Variants in NLGN1 observed in about 807,000 individuals in gnomAD.
The protein encoded by NLGN1 is neuroligin-1.
Under a neutral mutation model 65.5 loss-of-function variants are expected in NLGN1, and 12 were observed. The observed-to-expected ratio is 0.18, with a 90% CI of 0.12 to 0.30. The LOEUF (loss-of-function observed/expected upper bound fraction) is 0.30. Among genes scored for constraint, NLGN1 ranks in the 10% least tolerant of loss-of-function variants. The pLI is 1.00. For synonymous variants in NLGN1, 350 were observed against 359.5 expected (o/e 0.97, Z 0.30); for missense variants, 750 against 1,007.1 (o/e 0.74, Z 3.46).
chr3:173,658,142 T>C (rs1760362725), intron 3 of NLGN1, among the ~76,000 whole-genome samples: 1 of 151,998 alleles, frequency 6.6e-6, no homozygotes, highest in South Asian at 2.1e-4. Flanking sequence ...GCTGTGGCTA[T>C]ACATATTTAT....
chr3:173,412,166 C>A (rs1461927035), intron 1 of NLGN1, among the ~76,000 whole-genome samples: 1 of 152,162 alleles, frequency 6.6e-6, no homozygotes, highest in African/African-American at 2.4e-5. Context: ...CTGCAGAATA[C>A]TATTAGCAAG....
chr3:173,472,515 C>A (rs1282494574), intron 2 of NLGN1, among the ~76,000 whole-genome samples: 2 of 151,684 alleles, frequency 1.3e-5, no homozygotes, highest in Admixed American at 1.3e-4. Flanking sequence ...AGAATAGTTT[C>A]ACTTATCAAA....
chr3:173,902,859 A>G (rs1737626089), intron 4 of NLGN1, among the ~76,000 whole-genome samples: 1 of 152,164 alleles, frequency 6.6e-6, no homozygotes, highest in African/African-American at 2.4e-5. Flanking sequence ...ACTGTGTGCC[A>G]GGCACTGTTT....
intron 4 of NLGN1, among the ~76,000 whole-genome samples, chr3:173,873,686 A>C (rs899906774): frequency 6.6e-6 from 1 of 152,190 alleles, no homozygotes; most frequent in East Asian, 1.9e-4. Flanking sequence ...TGGCCTGATC[A>C]TCTGTAAAAG....
At chr3:174,136,848 G>A (rs192549313) in intron 4 of NLGN1, among the ~76,000 whole-genome samples, 28 of 152,210 alleles carry the variant, frequency 1.8e-4, no homozygotes, top group Non-Finnish European at 1.8e-4. Context: ...GGGAAACACA[G>A]CCATAAATGT....
In NLGN1 at chr3:174,280,659, G is replaced by A; in HGVS notation, c.1828G>A (p.Val610Ile). ...TAAGGTGAACCTCTGGTTGGAGTTGGTACCTCATCTGCATAATCTCAATGA... is the reference window on the plus strand; with the variant it reads ...TAAGGTGAACCTCTGGTTGGAGTTGATACCTCATCTGCATAATCTCAATGA... The change falls in exon 7 of 7, where the codon GTA becomes ATA. Residue 610 changes from valine (V) to isoleucine (I), a missense_variant. Val to Ile is a conservative substitution (Grantham distance 29). Transcript: ENST00000457714. The surrounding 1 kb of genome is among the most constrained non-coding windows in gnomAD (Gnocchi z 4.9). The A allele has an allele frequency of 1.2e-6, 2 of 1,613,280 alleles. No homozygotes were observed. Among genetic ancestry groups the A allele is most frequent in the South Asian group, 1.1e-5 (1 of 91,064 alleles).
chr3:173,988,871 T>C (rs1254683959), intron 4 of NLGN1, among the ~76,000 whole-genome samples: 1 of 152,174 alleles, frequency 6.6e-6, no homozygotes, highest in Non-Finnish European at 1.5e-5. Context: ...TCAACCTCCC[T>C]GCCATCTCTA....
In NLGN1 at chr3:174,011,968, A is replaced by G. The variant is rs113489986; in HGVS notation, c.646+204136A>G. Among the ~76,000 whole-genome samples the G allele has an allele frequency of 2.8e-3, 423 of 152,310 alleles. 1 individual carries two copies. The highest frequency in any genetic ancestry group is 6.8e-3 in the Middle Eastern group (2 of 294). ...CCTATAACAACAAAATGAAATGACA[A>G]TTCTTTCAAATAGCAAATTTTGATA... On this transcript the variant is annotated intron_variant, in intron 4 of 6. Transcript: ENST00000457714.
intron 3 of NLGN1, among the ~76,000 whole-genome samples, chr3:173,740,837 T>C (rs1774528053): frequency 6.6e-6 from 1 of 152,028 alleles, no homozygotes; most frequent in Non-Finnish European, 1.5e-5. Flanking sequence ...AGAAAAGCCA[T>C]GCGTAAGGTG....
chr3:173,672,168 C>T (rs1373905421), intron 3 of NLGN1, among the ~76,000 whole-genome samples: 4 of 151,850 alleles, frequency 2.6e-5, no homozygotes, highest in African/African-American at 7.3e-5. Context: ...AGCGAGACTC[C>T]GTCTCAAAAA....
In NLGN1 at chr3:174,260,047, G is replaced by A. The variant is rs377225751; in HGVS notation, c.647-15268G>A. Among the ~76,000 whole-genome samples the A allele has an allele frequency of 1.1e-4, 17 of 152,112 alleles. No individual in the cohort carries two copies. The East Asian group carries it at 2.9e-3, about 26-fold the overall frequency. On this transcript the variant is annotated intron_variant, in intron 4 of 6. Coordinates refer to ENST00000457714, the Ensembl canonical transcript of NLGN1. ...TTTTATGGCTGCATAGTATTCCATG[G>A]TGTATATGTGCCACATTTTCTTAAT...
At chr3:173,632,028 C>T (rs780389859) in intron 3 of NLGN1, among the ~76,000 whole-genome samples, 9 of 151,956 alleles carry the variant, frequency 5.9e-5, no homozygotes, top group South Asian at 2.1e-4. Flanking sequence ...GAAATGCTGC[C>T]GTAACTTTAA....
At chr3:173,528,627 G>GTATT (rs1736046434) in intron 2 of NLGN1, among the ~76,000 whole-genome samples, 1 of 151,992 alleles carries the variant, frequency 6.6e-6, no homozygotes, top group Admixed American at 6.6e-5. Context: ...CCAAGGCTTT[G>GTATT]TTTATTTTTT....
chr3:173,815,865 A>C (rs538202298), intron 4 of NLGN1, among the ~76,000 whole-genome samples: 1 of 152,074 alleles, frequency 6.6e-6, no homozygotes, highest in Non-Finnish European at 1.5e-5. Context: ...TAAACTTAAC[A>C]TGGCTGAAAT....
intron 2 of NLGN1, among the ~76,000 whole-genome samples, chr3:173,498,568 C>T (rs1730439737): frequency 6.6e-6 from 1 of 151,754 alleles, no homozygotes; most frequent in Admixed American, 6.6e-5. Flanking sequence ...GGTATATACC[C>T]AGTAATGGGA....
chr3:173,663,145 A>G lies in NLGN1; in HGVS notation c.493+58054A>G, dbSNP rs186019517. 3.7e-3 allele frequency among the ~76,000 whole-genome samples: 558 copies of G among 152,140 alleles called. 1 individual carries two copies. Among genetic ancestry groups the G allele is most frequent in the Non-Finnish European group, 5.8e-3 (396 of 67,908 alleles). Reference sequence around the variant, plus strand: ...TCATATCCTGACTTTATCATTTAATAGTTATATGACTTCAGACAACTTCTT... The same window carrying G: ...TCATATCCTGACTTTATCATTTAATGGTTATATGACTTCAGACAACTTCTT... On this transcript the variant is annotated intron_variant, in intron 3 of 6. Transcript: ENST00000457714.
At chr3:173,485,368 CATA>C (rs1416464203) in intron 2 of NLGN1, among the ~76,000 whole-genome samples, 2 of 152,014 alleles carry the variant, frequency 1.3e-5, no homozygotes, top group Admixed American at 1.3e-4. Flanking sequence ...TAGGAAATAG[CATA>C]ATAATTTAAT....
chr3:174,092,335 G>C (rs1458574773), intron 4 of NLGN1, among the ~76,000 whole-genome samples: 1 of 152,090 alleles, frequency 6.6e-6, no homozygotes, highest in Non-Finnish European at 1.5e-5. Context: ...CCAAAAATGG[G>C]GAACAGGTAC....
At chr3:173,900,538 A>G (rs1315217223) in intron 4 of NLGN1, among the ~76,000 whole-genome samples, 2 of 152,060 alleles carry the variant, frequency 1.3e-5, no homozygotes, top group South Asian at 2.1e-4. Flanking sequence ...ATTACTAAAT[A>G]TGGTTTTGAA....
Sources: gnomAD v4.1 joint callset for allele counts (sites outside exome capture counted in the v4.1 genomes callset) on GRCh38, gnomAD v4.1.1 for gene constraint, Gnocchi (gnomAD v3.1) non-coding constraint, MANE v1.5 for transcripts, NCBI Gene and HGNC (gene_info 2026-07-23, HGNC 2026-07-21) for gene names.